Variants in NELL1 observed in about 807,000 individuals in gnomAD.
The protein encoded by NELL1 is protein kinase C-binding protein NELL1.
In NELL1, 76 loss-of-function variants were observed where a neutral mutation model predicts 107.4. The observed-to-expected ratio is 0.71, with a 90% CI of 0.59 to 0.86. NELL1 has a LOEUF of 0.86. Among genes scored for constraint, NELL1 ranks in the 40% least tolerant of loss-of-function variants. The pLI is 0.00. For synonymous variants in NELL1, 353 were observed against 341.2 expected (o/e 1.03, Z -0.38); for missense variants, 1,024 against 1,005.5 (o/e 1.02, Z -0.25).
Position 21,074,443 on chromosome 11 carries a change from C to T in NELL1, c.1301-39146C>T, listed in dbSNP as rs112950735. On this transcript the variant is annotated intron_variant, in intron 12 of 19. Transcript: ENST00000357134. ...GTCAGAAGTTGGGGGCTGTGGTAGG[C>T]AGAGGTTGTAGAAACTGTATTATAT... 6.0e-3 allele frequency among the ~76,000 whole-genome samples: 906 copies of T among 152,126 alleles called. 8 individuals are homozygous for T. The highest frequency in any genetic ancestry group is 0.02 in the African/African-American group (848 of 41,498).
chr11:20,986,445 G>T (rs1851854715), intron 12 of NELL1, among the ~76,000 whole-genome samples: 1 of 152,054 alleles, frequency 6.6e-6, no homozygotes, highest in Admixed American at 6.5e-5. Flanking sequence ...CCTTTTCCTT[G>T]TGCACCCTTG....
At chr11:20,916,401 T>C (rs1850257440) in intron 5 of NELL1, among the ~76,000 whole-genome samples, 1 of 152,016 alleles carries the variant, frequency 6.6e-6, no homozygotes, top group Admixed American at 6.6e-5. Context: ...AAAACTGCTG[T>C]GTGCTGTATT....
chr11:21,504,639 G>T (rs1855235074), intron 15 of NELL1, among the ~76,000 whole-genome samples: 1 of 152,052 alleles, frequency 6.6e-6, no homozygotes, highest in African/African-American at 2.4e-5. Flanking sequence ...TTCCTATCTT[G>T]CTCCTGATTA....
chr11:21,500,336 A>G (rs1855103704), intron 15 of NELL1, among the ~76,000 whole-genome samples: 1 of 152,006 alleles, frequency 6.6e-6, no homozygotes, highest in East Asian at 1.9e-4. Context: ...CCCCAAAAAT[A>G]TTTTCTGTAA....
At chr11:21,264,618 G>C (rs1848601701) in intron 14 of NELL1, among the ~76,000 whole-genome samples, 2 of 151,884 alleles carry the variant, frequency 1.3e-5, no homozygotes, top group African/African-American at 2.4e-5. Flanking sequence ...CTTACTATAG[G>C]AATTGGGTCA....
chr11:20,713,046 G>A (rs1028259714), intron 2 of NELL1, among the ~76,000 whole-genome samples: 15 of 152,222 alleles, frequency 9.9e-5, no homozygotes, highest in African/African-American at 3.4e-4. Flanking sequence ...TCTCTTTCCT[G>A]GGAGCAGGAT....
intron 7 of NELL1, among the ~76,000 whole-genome samples, chr11:20,921,730 T>C (rs1274077974): frequency 2.0e-5 from 3 of 151,688 alleles, no homozygotes; most frequent in African/African-American, 4.8e-5. Context: ...TGTGTGAACA[T>C]AGAACTTGTA....
chr11:20,762,419 T>G (rs973946097), intron 2 of NELL1, among the ~76,000 whole-genome samples: 5 of 152,218 alleles, frequency 3.3e-5, no homozygotes. Context: ...CATATTTTAT[T>G]CATGAGTTGT....
intron 4 of NELL1, among the ~76,000 whole-genome samples, chr11:20,852,607 A>G (rs935264302): frequency 6.6e-6 from 1 of 152,208 alleles, no homozygotes; most frequent in African/African-American, 2.4e-5. Flanking sequence ...ATACAAGCAT[A>G]TCTGCTGTAG....
At chr11:20,939,327 T>A (rs4923182) in intron 10 of NELL1, among the ~76,000 whole-genome samples, 2 of 151,092 alleles carry the variant, frequency 1.3e-5, no homozygotes, top group Admixed American at 1.3e-4. Flanking sequence ...TGAAATGATA[T>A]TGGGGGACTC....
At chr11:20,759,707 A>G (rs555704595) in intron 2 of NELL1, among the ~76,000 whole-genome samples, 46 of 152,248 alleles carry the variant, frequency 3.0e-4, no homozygotes, top group African/African-American at 1.1e-3. Context: ...TCCTCTCTAA[A>G]TCACCACCTC....
At chr11:20,683,799 A>G (rs1249021934) in intron 2 of NELL1, among the ~76,000 whole-genome samples, 1 of 151,944 alleles carries the variant, frequency 6.6e-6, no homozygotes, top group Non-Finnish European at 1.5e-5. Flanking sequence ...ATGTCTTTTC[A>G]CTTATATTGT....
chr11:20,734,277 G>C (rs1318704414), intron 2 of NELL1, among the ~76,000 whole-genome samples: 2 of 151,990 alleles, frequency 1.3e-5, no homozygotes, highest in Non-Finnish European at 2.9e-5. Context: ...GTTATGGAGA[G>C]AAATTTAGAT....
At chr11:20,785,706 A>C (rs529209042) in intron 3 of NELL1, among the ~76,000 whole-genome samples, 68 of 152,212 alleles carry the variant, frequency 4.5e-4, no homozygotes, top group Non-Finnish European at 8.7e-4. Flanking sequence ...CCAGCTCTTC[A>C]ATGTCTTGGA....
intron 5 of NELL1, among the ~76,000 whole-genome samples, chr11:20,897,451 A>G (rs550488720): frequency 6.6e-6 from 1 of 152,374 alleles, no homozygotes; most frequent in East Asian, 1.9e-4. Context: ...ACCTAAAACC[A>G]TAAAAACCCT....
At chr11:20,915,682 G>T (rs1354320704) in intron 5 of NELL1, among the ~76,000 whole-genome samples, 1 of 82,604 alleles carries the variant, frequency 1.2e-5, no homozygotes, top group South Asian at 4.6e-4. Context: ...ATTTTCATCT[G>T]TGGAAATCCT....
intron 18 of NELL1, 80 bp downstream of exon 18, chr11:21,571,020 C>A (rs1564966888): frequency 7.4e-7 from 1 of 1,359,842 alleles, no homozygotes. Flanking sequence ...GGACCTAGTT[C>A]CCAGTTTTTC....
At chr11:20,940,158 T>C (rs10766747) in intron 10 of NELL1, among the ~76,000 whole-genome samples, 92,406 of 151,790 alleles carry the variant, frequency 0.61, 30,626 homozygotes, top group Non-Finnish European at 0.74. Context: ...GTGTGCTCGC[T>C]CTCTCTCTCC....
chr11:20,847,250 G>T (rs989442034), intron 3 of NELL1, among the ~76,000 whole-genome samples: 1 of 152,030 alleles, frequency 6.6e-6, no homozygotes, highest in African/African-American at 2.4e-5. Context: ...CACATGAATG[G>T]CCTGTTTTAG....
Sources: allele counts gnomAD v4.1 joint callset (sites outside exome capture counted in the v4.1 genomes callset), GRCh38; gene constraint gnomAD v4.1.1; transcripts MANE v1.5; gene names NCBI Gene and HGNC (gene_info 2026-07-23, HGNC 2026-07-21).